The following ASAP1 variants were observed in gnomAD, a reference collection of about 807,000 sequenced individuals.
ASAP1 encodes arf-GAP with SH3 domain, ANK repeat and PH domain-containing protein 1.
A neutral mutation model predicts 145.2 loss-of-function variants in ASAP1; 43 were observed. The ratio of observed to expected loss-of-function variants is 0.30; its 90% CI spans 0.23 to 0.38. The LOEUF (loss-of-function observed/expected upper bound fraction) is 0.38. ASAP1 is among the 10% of genes least tolerant of loss of function. ASAP1 has a pLI of 1.00. For missense variants in ASAP1, 1,018 were observed against 1,355.3 expected, an observed-to-expected ratio of 0.75 and a Z score of 3.91; for synonymous variants, 546 against 515.5, an observed-to-expected ratio of 1.06 and a Z score of -0.80.
intron 27 of ASAP1, among the ~76,000 whole-genome samples, chr8:130,073,583 G>A (rs1471356887): frequency 1.3e-5 from 2 of 152,164 alleles, no homozygotes; most frequent in Non-Finnish European, 2.9e-5. Context: ...AACTGACAGT[G>A]CAGCGAGAGT....
intron 4 of ASAP1, among the ~76,000 whole-genome samples, chr8:130,220,003 C>T (rs890619420): frequency 3.3e-5 from 5 of 152,116 alleles, no homozygotes; most frequent in Admixed American, 6.5e-5. Flanking sequence ...TGCCCAGGCT[C>T]GTCTCCAACT....
intron 23 of ASAP1, among the ~76,000 whole-genome samples, chr8:130,114,227 A>T (rs1229167025): frequency 6.6e-6 from 1 of 152,228 alleles, no homozygotes; most frequent in Non-Finnish European, 1.5e-5. Flanking sequence ...ATCATAGAGT[A>T]TACTTACACA....
chr8:130,101,372 A>G (rs2097528441), intron 24 of ASAP1, among the ~76,000 whole-genome samples: 1 of 152,204 alleles, frequency 6.6e-6, no homozygotes, highest in South Asian at 2.1e-4. Flanking sequence ...TGCTCTTGGT[A>G]GTATGATCAT....
chr8:130,156,192 C>T lies in ASAP1; in HGVS notation c.1011-3387G>A, dbSNP rs140951716. ...CAAAGCTAGGGTCAAAAATTACCAA[C>T]GCAAATAATACTTCAGAGAAAAATC... is the stretch of plus-strand genomic sequence containing the variant. On this transcript the variant is annotated intron_variant, in intron 12 of 29. Transcript: ENST00000518721. Among the ~76,000 whole-genome samples the T allele has an allele frequency of 8.2e-3, 1,246 of 152,276 alleles. 9 individuals are homozygous for T. Among genetic ancestry groups the T allele is most frequent in the South Asian group, 0.023 (113 of 4,830 alleles).
intron 3 of ASAP1, among the ~76,000 whole-genome samples, chr8:130,339,183 C>T (rs1825222011): frequency 2.0e-5 from 3 of 152,298 alleles, no homozygotes; most frequent in African/African-American, 7.2e-5. Context: ...CACCTGGACT[C>T]AACACTTAAC....
At position 130,133,088 on chromosome 8, in the gene ASAP1, G is replaced by T. The variant is rs964605231; in HGVS notation, c.1217+1208C>A. Among the ~76,000 whole-genome samples, 77 of 151,920 alleles carry T rather than the reference G, an allele frequency of 5.1e-4. 5 individuals are homozygous for T. The highest frequency in any genetic ancestry group is 1.0e-4 in the Non-Finnish European group (7 of 68,024). ...AGCATGTATTCTGTGCCACTGATGG[G>T]ACAGGAAGTTTGACAGTTTATAAAA... On this transcript the variant is annotated intron_variant, in intron 15 of 29. Transcript: ENST00000518721.
At chr8:130,243,345 G>T (rs896387702) in intron 3 of ASAP1, among the ~76,000 whole-genome samples, 2 of 152,024 alleles carry the variant, frequency 1.3e-5, no homozygotes, top group South Asian at 4.1e-4. Flanking sequence ...TAAAAACTCC[G>T]TAAGAATAAT....
intron 13 of ASAP1, among the ~76,000 whole-genome samples, chr8:130,141,559 C>A (rs1054898945): frequency 6.6e-6 from 1 of 152,134 alleles, no homozygotes; most frequent in Non-Finnish European, 1.5e-5. Flanking sequence ...TCACTAAGGA[C>A]ACACACATTT....
intron 23 of ASAP1, among the ~76,000 whole-genome samples, chr8:130,114,045 G>A (rs994137391): frequency 1.3e-5 from 2 of 152,210 alleles, no homozygotes; most frequent in Non-Finnish European, 2.9e-5. Flanking sequence ...CCCTCCCAAA[G>A]TGCTGGGATT....
At chr8:130,392,729 G>T (rs77159538) in intron 2 of ASAP1, among the ~76,000 whole-genome samples, 2,622 of 152,250 alleles carry the variant, frequency 0.017, 37 homozygotes, top group East Asian at 0.052. Flanking sequence ...GAGGGCCTCA[G>T]GTTGCTTCAA....
intron 2 of ASAP1, among the ~76,000 whole-genome samples, chr8:130,395,711 G>C (rs185912454): frequency 6.6e-6 from 1 of 151,342 alleles, no homozygotes; most frequent in Non-Finnish European, 1.5e-5. Flanking sequence ...CTGTCACACA[G>C]GCTGGAGTGC....
At chr8:130,427,640 A>C (rs1829973176) in intron 1 of ASAP1, 1 of 152,266 alleles carries the variant, frequency 6.6e-6, no homozygotes, top group Non-Finnish European at 1.5e-5. Flanking sequence ...ACAGAGCCAG[A>C]TTCCATGAAG....
At chr8:130,259,647 G>C (rs1358162758) in intron 3 of ASAP1, among the ~76,000 whole-genome samples, 1 of 152,178 alleles carries the variant, frequency 6.6e-6, no homozygotes, top group African/African-American at 2.4e-5. Flanking sequence ...TCATTATCTT[G>C]TCATGCTAGC....
chr8:130,098,049 A>G (rs918895865), intron 24 of ASAP1, among the ~76,000 whole-genome samples: 9 of 152,212 alleles, frequency 5.9e-5, no homozygotes, highest in Non-Finnish European at 5.9e-5. Context: ...TTTACTGAGT[A>G]TTATGTGCTT....
chr8:130,100,057 G>A (rs1039057561), intron 24 of ASAP1, among the ~76,000 whole-genome samples: 7 of 152,130 alleles, frequency 4.6e-5, no homozygotes, highest in Non-Finnish European at 1.0e-4. Flanking sequence ...TGGTATGACA[G>A]TGCTATTTTC....
chr8:130,130,624 T>A (rs369563612), intron 15 of ASAP1, among the ~76,000 whole-genome samples: 3 of 152,196 alleles, frequency 2.0e-5, no homozygotes, highest in Non-Finnish European at 4.4e-5. Flanking sequence ...CTTTGAGTTT[T>A]ATAAGATAAA....
chr8:130,104,615 C>T (rs2097534054), intron 24 of ASAP1, among the ~76,000 whole-genome samples: 1 of 152,150 alleles, frequency 6.6e-6, no homozygotes, highest in African/African-American at 2.4e-5. Context: ...AAACTGCTGG[C>T]AAGTATACCC....
chr8:130,198,766 C>T (rs1175968558), intron 5 of ASAP1, among the ~76,000 whole-genome samples: 1 of 152,166 alleles, frequency 6.6e-6, no homozygotes, highest in Non-Finnish European at 1.5e-5. Context: ...TTACTGACTC[C>T]AAAGGCCACT....
At chr8:130,323,288 G>T (rs1400226138) in intron 3 of ASAP1, among the ~76,000 whole-genome samples, 2 of 152,198 alleles carry the variant, frequency 1.3e-5, no homozygotes, top group African/African-American at 4.8e-5. Context: ...ATTTAGGGAT[G>T]TGAGAAGGAG....
Sources: gnomAD v4.1 joint callset for allele counts (sites outside exome capture counted in the v4.1 genomes callset) on GRCh38, gnomAD v4.1.1 for gene constraint, MANE v1.5 for transcripts, NCBI Gene and HGNC (gene_info 2026-07-23, HGNC 2026-07-21) for gene names.